Variants in LYPLAL1 observed in about 807,000 individuals in gnomAD.
LYPLAL1 encodes lysophospholipase-like protein 1.
In LYPLAL1, 23 loss-of-function variants were observed where a neutral mutation model predicts 19.7. The observed-to-expected ratio is 1.17, with a 90% confidence interval of 0.84 to 1.65. The LOEUF is 1.65. Among genes scored for constraint, LYPLAL1 ranks in the 40% most tolerant of loss-of-function variants. The pLI is 0.00. For synonymous variants in LYPLAL1, 119 were observed against 96.3 expected (o/e 1.24, Z -1.38); for missense variants, 355 against 279.4 (o/e 1.27, Z -1.93).
chr1:219,194,088 A>G (rs1203735985), intron 3 of LYPLAL1, among the ~76,000 whole-genome samples: 3 of 151,940 alleles, frequency 2.0e-5, no homozygotes, highest in Non-Finnish European at 4.4e-5. Context: ...GAGAGACAAC[A>G]TGATATAATG....
chr1:219,207,363 G>T (rs1316656291), intron 3 of LYPLAL1, among the ~76,000 whole-genome samples: 1 of 151,994 alleles, frequency 6.6e-6, no homozygotes, highest in African/African-American at 2.4e-5. Flanking sequence ...TTGTTAGTGG[G>T]TCTGGGATTG....
chr1:219,285,570 C>A, the LYPLAL1 span, among the ~76,000 whole-genome samples: 1 of 152,186 alleles, frequency 6.6e-6, no homozygotes, highest in Non-Finnish European at 1.5e-5. Flanking sequence ...ATAGCTACCA[C>A]ATGGATGAAC....
the LYPLAL1 span, among the ~76,000 whole-genome samples, chr1:219,406,904 A>C: frequency 1.3e-5 from 2 of 152,342 alleles, no homozygotes; most frequent in Non-Finnish European, 2.9e-5. Flanking sequence ...AGTGGTATAA[A>C]ATGAGAAGGA....
At chr1:219,230,877 T>G in the LYPLAL1 span, among the ~76,000 whole-genome samples, 1 of 152,230 alleles carries the variant, frequency 6.6e-6, no homozygotes, top group South Asian at 2.1e-4. Context: ...AAGACAACCA[T>G]GCCAGGGCAG....
the LYPLAL1 span, among the ~76,000 whole-genome samples, chr1:219,426,205 T>C: frequency 2.6e-5 from 4 of 152,222 alleles, no homozygotes; most frequent in African/African-American, 9.6e-5. Context: ...TGACCATTCA[T>C]ATACATCTAA....
chr1:219,238,607 G>A, the LYPLAL1 span, among the ~76,000 whole-genome samples: 3 of 151,948 alleles, frequency 2.0e-5, no homozygotes, highest in Non-Finnish European at 4.4e-5. Flanking sequence ...CAGATATAAA[G>A]CCTTTGTTTA....
chr1:219,256,023 T>C, the LYPLAL1 span, among the ~76,000 whole-genome samples: 1 of 151,916 alleles, frequency 6.6e-6, no homozygotes, highest in African/African-American at 2.4e-5. Context: ...TACATTTGAC[T>C]ATAATTTTCC....
At chr1:219,226,550 TA>T in the LYPLAL1 span, among the ~76,000 whole-genome samples, 1 of 151,522 alleles carries the variant, frequency 6.6e-6, no homozygotes, top group Non-Finnish European at 1.5e-5. Flanking sequence ...CAGCTGAAAG[TA>T]ACTGGTAGCT....
the LYPLAL1 span, among the ~76,000 whole-genome samples, chr1:219,253,250 A>G: frequency 6.6e-6 from 1 of 151,900 alleles, no homozygotes; most frequent in East Asian, 1.9e-4. Context: ...GGATTTATTG[A>G]TCTTTTTAAT....
chr1:219,299,150 T>C, the LYPLAL1 span, among the ~76,000 whole-genome samples: 1 of 151,352 alleles, frequency 6.6e-6, no homozygotes, highest in Non-Finnish European at 1.5e-5. Flanking sequence ...CTTTTTTTTT[T>C]TTTTTTTGTC....
the LYPLAL1 span, among the ~76,000 whole-genome samples, chr1:219,442,964 A>C: frequency 6.6e-6 from 1 of 152,050 alleles, no homozygotes; most frequent in Non-Finnish European, 1.5e-5. Context: ...GTATTGGGAG[A>C]ACTAAACACT....
chr1:219,286,204 G>T, the LYPLAL1 span, among the ~76,000 whole-genome samples: 86 of 152,254 alleles, frequency 5.6e-4, no homozygotes, highest in Non-Finnish European at 1.0e-3. Flanking sequence ...AGGCTGGCTA[G>T]TGGCTTCCTT....
the LYPLAL1 span, among the ~76,000 whole-genome samples, chr1:219,240,663 C>A: frequency 3.3e-5 from 5 of 152,106 alleles, no homozygotes; most frequent in African/African-American, 9.7e-5. Context: ...GCACTAAATT[C>A]TCATGTTTCA....
the LYPLAL1 span, among the ~76,000 whole-genome samples, chr1:219,395,572 G>A: frequency 6.6e-6 from 1 of 152,132 alleles, no homozygotes; most frequent in Non-Finnish European, 1.5e-5. Context: ...TAGGTTGTCT[G>A]TTTAAGATGT....
At chr1:219,338,090 G>A in the LYPLAL1 span, among the ~76,000 whole-genome samples, 1 of 151,924 alleles carries the variant, frequency 6.6e-6, no homozygotes, top group African/African-American at 2.4e-5. Flanking sequence ...CATTTTACGT[G>A]GTTTGGATGG....
intron 3 of LYPLAL1, among the ~76,000 whole-genome samples, chr1:219,196,273 A>G (rs1572185669): frequency 6.6e-6 from 1 of 152,084 alleles, no homozygotes; most frequent in Non-Finnish European, 1.5e-5. Flanking sequence ...CAATCCTTGA[A>G]CTAATTAACA....
intron 2 of LYPLAL1, among the ~76,000 whole-genome samples, chr1:219,186,035 A>T (rs1200088054): frequency 1.3e-5 from 2 of 151,786 alleles, no homozygotes; most frequent in Non-Finnish European, 2.9e-5. Flanking sequence ...AGTTATGGAA[A>T]ATTTAGTTCT....
At chr1:219,418,720 T>G in the LYPLAL1 span, among the ~76,000 whole-genome samples, 1 of 152,218 alleles carries the variant, frequency 6.6e-6, no homozygotes, top group African/African-American at 2.4e-5. Flanking sequence ...GGACAAATGT[T>G]TAATGCCATG....
At chr1:219,390,769 C>T in the LYPLAL1 span, among the ~76,000 whole-genome samples, 1 of 152,108 alleles carries the variant, frequency 6.6e-6, no homozygotes, top group South Asian at 2.1e-4. Flanking sequence ...GCATTATGCA[C>T]CTTAATAAAT....
Sources: gnomAD v4.1 joint callset for allele counts (sites outside exome capture counted in the v4.1 genomes callset) on GRCh38, gnomAD v4.1.1 for gene constraint, MANE v1.5 for transcripts, NCBI Gene and HGNC (gene_info 2026-07-23, HGNC 2026-07-21) for gene names.